COL16A1: variants seen among roughly 807,000 people sequenced by gnomAD.
COL16A1 encodes collagen type XVI alpha 1 chain, also known as collagen alpha-1(XVI) chain.
Under a neutral mutation model 266.3 loss-of-function variants are expected in COL16A1, and 189 were observed. That is an observed-to-expected ratio of 0.71 (90% confidence interval 0.63 to 0.80). COL16A1 has a LOEUF of 0.80. Ranked by LOEUF, COL16A1 falls within the 30% of genes least tolerant of loss-of-function variation. The pLI is 0.00. For missense variants in COL16A1, 1,928 were observed against 2,122.4 expected (o/e 0.91, Z 1.80); for synonymous variants, 740 against 782.3 (o/e 0.95, Z 0.90).
At chr1:31,655,633 C>T in intron 66 of COL16A1, 131 bp from the exon 67 acceptor site, 3 of 1,442,948 alleles carry the variant, frequency 2.1e-6, no homozygotes, top group Admixed American at 2.2e-5. Context: ...CCTGACAGGT[C>T]ACTCCACCTC....
At position 31,697,378 on chromosome 1, in the gene COL16A1, A is replaced by T; in HGVS notation, c.658-78T>A. On this transcript the variant is annotated intron_variant, in intron 6 of 70. Transcript: ENST00000373672. The surrounding 1 kb of genome is among the most constrained non-coding windows in gnomAD (Gnocchi z 4.2). ...TCCTGGCCCCCCAGGAGGCACAGAG[A>T]TGTCTCTGCCCCAGGATGTGACCTC... 1.4e-6 allele frequency: 2 copies of T among 1,393,034 alleles called. No individual in the cohort carries two copies. The highest frequency in any genetic ancestry group is 2.0e-6 in the Non-Finnish European group (2 of 1,015,716). The allele number at this position is 1,393,034 out of a possible 1,614,324, so 86.3% of individuals were successfully genotyped here. A position where few individuals can be genotyped will look rare whatever the true frequency, so the allele number is the denominator to read the frequency against.
Position 31,662,645 on chromosome 1 carries a change from A to T in COL16A1, c.3569T>A (p.Ile1190Asn). The T allele has an allele frequency of 6.6e-7, 1 of 1,515,260 alleles. No individual in the cohort carries two copies. The highest frequency in any genetic ancestry group is 8.9e-7 in the Non-Finnish European group (1 of 1,119,426). The allele number at this position is 1,515,260 out of a possible 1,614,324, so 93.9% of individuals were successfully genotyped here. ...GCCAGGCAGGCCTGATGGGCCTCGAATCCCTTCGCTGCCCTGGAAACCAGC... is the reference window on the plus strand; with the variant it reads ...GCCAGGCAGGCCTGATGGGCCTCGATTCCCTTCGCTGCCCTGGAAACCAGC... The part of the protein sequence containing the change: ...GPQAEKGSEG[I>N]RGPSGLPGSP... The change falls in exon 57 of 71, where the codon ATT (isoleucine) becomes AAT (asparagine). Residue 1190 changes from isoleucine (I) to asparagine (N), a missense_variant. Ile to Asn is a moderately radical substitution (Grantham distance 149). This residue lies in a region of COL16A1 where 1,552 missense variants were observed against 1,637.2 expected (regional missense o/e 0.95). Coordinates refer to ENST00000373672, the MANE Select transcript of COL16A1 (RefSeq NM_001856.4).
Position 31,698,539 on chromosome 1 carries a change from T to C in COL16A1, c.334A>G (p.Thr112Ala). The C allele has an allele frequency of 6.2e-7, 1 of 1,614,082 alleles. No individual in the cohort carries two copies. The highest frequency in any genetic ancestry group is 1.1e-5 in the South Asian group (1 of 91,074). ...AACAGATACCACGTCTTCTGGTGGG[T>C]GTGTTTCTTCAGCAGTAGTGTCAGC... Reference protein sequence around the residue: ...LVLTLLLKKHTHQKTWYLFQV... With the variant: ...LVLTLLLKKHAHQKTWYLFQV... The change falls in exon 5 of 71, where the codon ACC (threonine) becomes GCC (alanine). Residue 112 changes from threonine (T) to alanine (A), a missense_variant. Thr to Ala is a moderately conservative substitution (Grantham distance 58, BLOSUM62 0). Coordinates refer to ENST00000373672, the MANE Select transcript of COL16A1 (RefSeq NM_001856.4). The surrounding 1 kb of genome is among the most constrained non-coding windows in gnomAD (Gnocchi z 4.1).
Position 31,671,546 on chromosome 1 carries a change from G to T in COL16A1, c.3150+69C>A, listed in dbSNP as rs955226949. The T allele has an allele frequency of 6.9e-6, 11 of 1,599,416 alleles. No individual in the cohort carries two copies. In the African/African-American group the frequency reaches 1.3e-4, roughly 19 times the overall value. On this transcript the variant is annotated intron_variant, in intron 48 of 70. Transcript: ENST00000373672. ...CCAGCCTTTTGGGGACAAGGCCGCG[G>T]GATGGTGTCTGAGTGTAATGACCCC...
intron 62 of COL16A1, 99 bp downstream of exon 62, chr1:31,660,486 A>T: frequency 6.6e-7 from 1 of 1,518,392 alleles, no homozygotes; most frequent in South Asian, 1.3e-5. Context: ...GGCAGCCCCT[A>T]TGGCAAGTTC....
rs1641877656 is a variant in COL16A1, at chr1:31,663,624, G to A, written c.3556-966C>T. On this transcript the variant is annotated intron_variant, in intron 56 of 70. Transcript: ENST00000373672. The surrounding 1 kb of genome is among the most constrained non-coding windows in gnomAD (Gnocchi z 4.9). The stretch of plus-strand genomic sequence containing the variant: ...CTGGGGGCATGAAGTGGGGACTGAA[G>A]AGAGGGACTCTAGGACCCCCACCGT... Among the ~76,000 whole-genome samples the A allele has an allele frequency of 1.3e-5, 2 of 152,214 alleles. No individual in the cohort carries two copies. Among genetic ancestry groups the A allele is most frequent in the Non-Finnish European group, 2.9e-5 (2 of 68,036 alleles).
At chr1:31,695,417 T>C (rs1221953157) in intron 10 of COL16A1, among the ~76,000 whole-genome samples, 196 bp from the exon 11 acceptor site, 1 of 104,246 alleles carries the variant, frequency 9.6e-6, no homozygotes, top group Non-Finnish European at 1.8e-5. Context: ...ATTTTTCAGA[T>C]GGGGAAACTG....
intron 61 of COL16A1, 74 bp from the exon 62 acceptor site, chr1:31,660,712 G>A (rs1641579033): frequency 2.5e-6 from 4 of 1,598,188 alleles, no homozygotes; most frequent in South Asian, 1.1e-5. Context: ...CGGATGGGAG[G>A]GGGCTGGGCA....
In COL16A1 at chr1:31,661,659, C is replaced by T; in HGVS notation, c.3726+1G>A. ...CAACTCCTTCCTGCAGCTCAACTTA[C>T]CGGTGGTCCCATGAGTCCAGGGGGG... On this transcript the variant is annotated splice_donor_variant, in intron 59 of 70. Transcript: ENST00000373672. LOFTEE classifies it high-confidence loss of function. 6.2e-7 allele frequency: 1 copy of T among 1,613,530 alleles called. No homozygotes were observed. The highest frequency in any genetic ancestry group is 8.5e-7 in the Non-Finnish European group (1 of 1,179,828).
intron 62 of COL16A1, among the ~76,000 whole-genome samples, chr1:31,659,380 A>AG (rs1213342584): frequency 6.6e-6 from 1 of 152,094 alleles, no homozygotes; most frequent in Non-Finnish European, 1.5e-5. Context: ...TCCGTGTAGC[A>AG]GGGGGTGAGG....
rs146903712 is a variant in COL16A1, at chr1:31,685,650, G to A, written c.2005C>T (p.Pro669Ser). Residue 669 changes from proline to serine, a missense_variant, in exon 29 of 71, where the codon CCA (proline) becomes TCA (serine). Pro to Ser is a moderately conservative substitution (Grantham distance 74). Around this residue, in one of 2 missense-constraint regions of COL16A1, gnomAD observed 1,552 missense variants for 1,637.2 expected, o/e 0.95. Coordinates refer to ENST00000373672, the MANE Select transcript of COL16A1 (RefSeq NM_001856.4). The surrounding 1 kb of genome is among the most constrained non-coding windows in gnomAD (Gnocchi z 4.0). ...ATATCCCACCTCACCTGTTTTCCTG[G>A]CAAGCCAAAGCCTGGAGGCCCAGGT... Reference protein sequence around the residue: ...GEPGPPGFGLPGKQGKAGERG... With the variant: ...GEPGPPGFGLSGKQGKAGERG... 3.2e-4 allele frequency: 512 copies of A among 1,613,872 alleles called. 4 individuals carry two copies. In the East Asian group the frequency reaches 0.011, roughly 35 times the overall value.
chr1:31,661,771 G>C (rs1641694071), intron 58 of COL16A1, 67 bp from the exon 59 acceptor site: 1 of 1,512,796 alleles, frequency 6.6e-7, no homozygotes, highest in Non-Finnish European at 9.0e-7. Context: ...TCATACCTCT[G>C]TCCTCCCCTC....
At chr1:31,660,465 C>T (rs1641550932) in intron 62 of COL16A1, 120 bp downstream of exon 62, 5 of 1,374,126 alleles carry the variant, frequency 3.6e-6, no homozygotes, top group Admixed American at 2.3e-5. Context: ...CCCCCGTGCT[C>T]CCACGGCTGG....
chr1:31,662,728 G>A, intron 56 of COL16A1, 70 bp from the exon 57 acceptor site: 1 of 1,458,298 alleles, frequency 6.9e-7, no homozygotes, highest in South Asian at 1.3e-5. Flanking sequence ...CACCCATGGA[G>A]ACCAGGCCCT....
chr1:31,658,041 C>T (rs747759357), intron 64 of COL16A1, among the ~76,000 whole-genome samples: 91 of 152,374 alleles, frequency 6.0e-4, no homozygotes, highest in Non-Finnish European at 1.2e-3. Context: ...GTCCACCATT[C>T]GGCACACATC....
chr1:31,658,404 CCAGATATGTTGTGCTGTGCTCAA>C (rs1641351697), intron 64 of COL16A1, 61 bp downstream of exon 64: 2 of 1,168,668 alleles, frequency 1.7e-6, no homozygotes, highest in Non-Finnish European at 2.5e-6. Context: ...CTTAGAGACC[CCAGATATGTTGTGCTGTGCTCAA>C]CAGGCCTTGA....
At chr1:31,672,546 T>C (rs781432775) in intron 46 of COL16A1, 44 bp from the exon 47 acceptor site, 37 of 1,613,288 alleles carry the variant, frequency 2.3e-5, no homozygotes, top group Non-Finnish European at 3.1e-5. Context: ...TCAGGGCCTG[T>C]CCCTGTGGGG....
At chr1:31,679,191 T>A in intron 42 of COL16A1, 1 of 500,280 alleles carries the variant, frequency 2.0e-6, no homozygotes. Flanking sequence ...TTATTGTCTG[T>A]CTCTCTTACT....
chr1:31,671,526 C>T (rs1053240079), intron 48 of COL16A1, 89 bp downstream of exon 48: 4 of 1,553,458 alleles, frequency 2.6e-6, no homozygotes, highest in African/African-American at 2.7e-5. Context: ...CTTGCCCAGC[C>T]TTTTGGGGAC....
Sources: allele counts gnomAD v4.1 joint callset (sites outside exome capture counted in the v4.1 genomes callset), GRCh38; gene constraint gnomAD v4.1.1; regional missense constraint gnomAD v4.1.1; non-coding constraint Gnocchi (gnomAD v3.1); transcripts MANE v1.5; gene names NCBI Gene and HGNC (gene_info 2026-07-23, HGNC 2026-07-21).